NLGN1: variants seen among roughly 807,000 people sequenced by gnomAD.
The protein encoded by NLGN1 is neuroligin-1.
In NLGN1, 12 loss-of-function variants were observed where a neutral mutation model predicts 65.5. That is an observed-to-expected ratio of 0.18 (90% CI 0.12 to 0.30). The LOEUF (loss-of-function observed/expected upper bound fraction) is 0.30. Among genes scored for constraint, NLGN1 ranks in the 10% least tolerant of loss-of-function variants. NLGN1 has a pLI of 1.00. For synonymous variants in NLGN1, 350 were observed against 359.5 expected, an observed-to-expected ratio of 0.97 and a Z score of 0.30; for missense variants, 750 against 1,007.1, an observed-to-expected ratio of 0.74 and a Z score of 3.46.
chr3:174,076,721 GA>G (rs1741052882), intron 4 of NLGN1, among the ~76,000 whole-genome samples: 1 of 118,078 alleles, frequency 8.5e-6, no homozygotes, highest in African/African-American at 3.9e-5. Context: ...GAGAGAGAGA[GA>G]GAGTGTGTGT....
rs185799220 is a variant in NLGN1, at chr3:174,260,041, T to A, written c.647-15274T>A. On this transcript the variant is annotated intron_variant, in intron 4 of 6. Coordinates refer to ENST00000457714, the Ensembl canonical transcript of NLGN1. The stretch of plus-strand genomic sequence containing the variant: ...ATCATCTTTTATGGCTGCATAGTAT[T>A]CCATGGTGTATATGTGCCACATTTT... Among the ~76,000 whole-genome samples the A allele has an allele frequency of 1.5e-4, 23 of 152,246 alleles. No individual in the cohort carries two copies. In the East Asian group the frequency reaches 4.4e-3, roughly 29 times the overall value.
chr3:173,853,849 A>G (rs1041430640), intron 4 of NLGN1, among the ~76,000 whole-genome samples: 1 of 152,000 alleles, frequency 6.6e-6, no homozygotes, highest in African/African-American at 2.4e-5. Context: ...TAATAAAAAC[A>G]GTATCTTTTT....
chr3:174,003,596 T>C (rs558714548), intron 4 of NLGN1, among the ~76,000 whole-genome samples: 1 of 152,292 alleles, frequency 6.6e-6, no homozygotes, highest in African/African-American at 2.4e-5. Context: ...TCAATAGATA[T>C]ATTTTTCTAC....
At chr3:174,121,209 A>G (rs1206290895) in intron 4 of NLGN1, among the ~76,000 whole-genome samples, 3 of 152,226 alleles carry the variant, frequency 2.0e-5, no homozygotes, top group Admixed American at 1.3e-4. Context: ...ACTGGTAACT[A>G]GTGACAGCAT....
intron 3 of NLGN1, among the ~76,000 whole-genome samples, chr3:173,781,437 A>G (rs1255475787): frequency 6.6e-6 from 1 of 152,238 alleles, no homozygotes; most frequent in Non-Finnish European, 1.5e-5. Context: ...TCATTTTAGT[A>G]AATATAAAAA....
chr3:173,997,425 G>A (rs1023607180), intron 4 of NLGN1, among the ~76,000 whole-genome samples: 5 of 152,058 alleles, frequency 3.3e-5, no homozygotes, highest in Admixed American at 6.6e-5. Context: ...GAGCTGGATG[G>A]AACATCCAGA....
At chr3:174,116,598 G>T (rs137913545) in intron 4 of NLGN1, among the ~76,000 whole-genome samples, 1 of 151,908 alleles carries the variant, frequency 6.6e-6, no homozygotes, top group African/African-American at 2.4e-5. Flanking sequence ...TTGGCCTTCC[G>T]AAGTGCTGGG....
chr3:173,983,011 T>G (rs1719104285), intron 4 of NLGN1, among the ~76,000 whole-genome samples: 2 of 152,140 alleles, frequency 1.3e-5, no homozygotes, highest in South Asian at 4.1e-4. Context: ...ATAAAAAACA[T>G]TTTTATTCCA....
chr3:174,147,847 A>C (rs1723630911), intron 4 of NLGN1, among the ~76,000 whole-genome samples: 1 of 152,098 alleles, frequency 6.6e-6, no homozygotes, highest in African/African-American at 2.4e-5. Context: ...ATTTGGAAAG[A>C]CCTCCACTTC....
intron 4 of NLGN1, among the ~76,000 whole-genome samples, chr3:174,183,571 A>C (rs558161385): frequency 6.6e-6 from 1 of 152,214 alleles, no homozygotes; most frequent in Non-Finnish European, 1.5e-5. Flanking sequence ...ACAGAAGTAA[A>C]TGTTAGGGTG....
At chr3:173,468,122 C>T (rs1330007555) in intron 2 of NLGN1, among the ~76,000 whole-genome samples, 5 of 152,006 alleles carry the variant, frequency 3.3e-5, no homozygotes, top group Admixed American at 1.3e-4. Context: ...CTTTAAGAGC[C>T]GCGGGCTGTG....
intron 4 of NLGN1, among the ~76,000 whole-genome samples, chr3:174,268,144 A>G (rs1748636793): frequency 6.6e-6 from 1 of 152,190 alleles, no homozygotes; most frequent in Admixed American, 6.6e-5. Context: ...TTTAAATCAC[A>G]AGACATATTC....
chr3:173,981,831 A>G (rs1464614686), intron 4 of NLGN1, among the ~76,000 whole-genome samples: 1 of 152,016 alleles, frequency 6.6e-6, no homozygotes, highest in Non-Finnish European at 1.5e-5. Flanking sequence ...ACTAATTTTC[A>G]TTTTCTCTTT....
Position 173,970,806 on chromosome 3 carries a change from G to T in NLGN1, c.646+162974G>T, listed in dbSNP as rs548194678. ...GTTACTGTGCAGTAAAGAGTAGCTG[G>T]TGCTGCTGATTCTGGTTGCTACTTG... On this transcript the variant is annotated intron_variant, in intron 4 of 6. Coordinates refer to ENST00000457714, the Ensembl canonical transcript of NLGN1. Among the ~76,000 whole-genome samples the T allele has an allele frequency of 3.3e-5, 5 of 152,254 alleles. No homozygotes were observed. The East Asian group carries it at 9.7e-4, about 29-fold the overall frequency.
At chr3:174,020,652 C>T (rs1727574929) in intron 4 of NLGN1, among the ~76,000 whole-genome samples, 1 of 151,978 alleles carries the variant, frequency 6.6e-6, no homozygotes. Context: ...TTCACTAATG[C>T]AAATGGTAAT....
At chr3:174,019,638 TC>T (rs1727333324) in intron 4 of NLGN1, among the ~76,000 whole-genome samples, 1 of 152,162 alleles carries the variant, frequency 6.6e-6, no homozygotes, top group Admixed American at 6.6e-5. Flanking sequence ...GACACCAACA[TC>T]TTAACAGTAT....
At chr3:174,024,046 C>T (rs780639245) in intron 4 of NLGN1, among the ~76,000 whole-genome samples, 5 of 149,740 alleles carry the variant, frequency 3.3e-5, no homozygotes, top group African/African-American at 7.4e-5. Context: ...TAGAGAGAAG[C>T]GAAAGCTAGT....
chr3:174,230,492 TTAAAA>T (rs1740510469), intron 4 of NLGN1, among the ~76,000 whole-genome samples: 1 of 152,180 alleles, frequency 6.6e-6, no homozygotes, highest in African/African-American at 2.4e-5. Context: ...TTTACCTATC[TTAAAA>T]TATGAATAGA....
At chr3:173,950,626 A>C (rs1748008460) in intron 4 of NLGN1, among the ~76,000 whole-genome samples, 1 of 152,036 alleles carries the variant, frequency 6.6e-6, no homozygotes, top group African/African-American at 2.4e-5. Flanking sequence ...CAGCCTGGCC[A>C]ATGTGGCGAA....
Sources: gnomAD v4.1 joint callset for allele counts (sites outside exome capture counted in the v4.1 genomes callset) on GRCh38, gnomAD v4.1.1 for gene constraint, MANE v1.5 for transcripts, NCBI Gene and HGNC (gene_info 2026-07-23, HGNC 2026-07-21) for gene names.